Variants in SCLT1 observed in about 807,000 individuals in gnomAD.
SCLT1 encodes sodium channel-associated protein 1.
Under a neutral mutation model 112.8 loss-of-function variants are expected in SCLT1, and 78 were observed. The observed-to-expected ratio is 0.69, with a 90% CI of 0.58 to 0.83. SCLT1 has a LOEUF of 0.83. SCLT1 is among the 40% of genes least tolerant of loss of function. SCLT1 has a pLI of 0.00. For synonymous variants in SCLT1, 257 were observed against 254.7 expected, an observed-to-expected ratio of 1.01 and a Z score of -0.09; for missense variants, 747 against 770.4, an observed-to-expected ratio of 0.97 and a Z score of 0.36.
intron 2 of SCLT1, among the ~76,000 whole-genome samples, chr4:129,077,494 G>C (rs1427409652): frequency 6.6e-6 from 1 of 152,124 alleles, no homozygotes; most frequent in African/African-American, 2.4e-5. Flanking sequence ...TGACACATAA[G>C]AGTTGAAATC....
chr4:128,915,971 A>T (rs1384136902), intron 18 of SCLT1, among the ~76,000 whole-genome samples: 1 of 152,246 alleles, frequency 6.6e-6, no homozygotes, highest in African/African-American at 2.4e-5. Context: ...AGCCTTATTC[A>T]TCTTGTGTTT....
chr4:128,960,984 C>T (rs927072300), intron 11 of SCLT1, among the ~76,000 whole-genome samples: 1 of 108,564 alleles, frequency 9.2e-6, no homozygotes, highest in Non-Finnish European at 1.8e-5. Context: ...CTTAGTCTGT[C>T]CTTTATGCTG....
At chr4:128,962,675 AG>A (rs2126019347) in intron 11 of SCLT1, among the ~76,000 whole-genome samples, 1 of 152,228 alleles carries the variant, frequency 6.6e-6, no homozygotes, top group South Asian at 2.1e-4. Context: ...GACTCCCCTA[AG>A]ACTCATACAC....
rs534106851 is a variant in SCLT1, at chr4:129,025,963, A to C, written c.290+13078T>G. Among the ~76,000 whole-genome samples the C allele has an allele frequency of 4.0e-3, 611 of 152,302 alleles. 3 individuals carry two copies. Among genetic ancestry groups the C allele is most frequent in the African/African-American group, 0.014 (567 of 41,582 alleles). ...CAAAAGAGACAAAGAAGGCCATTAC[A>C]TAATGGTAAAGGGATCAATTCAACA... On this transcript the variant is annotated intron_variant, in intron 5 of 20. Transcript: ENST00000281142.
chr4:129,075,514 C>T (rs1751386902), intron 2 of SCLT1, among the ~76,000 whole-genome samples: 1 of 151,952 alleles, frequency 6.6e-6, no homozygotes, highest in Non-Finnish European at 1.5e-5. Flanking sequence ...ATAGAGAGTC[C>T]AGAATTACAA....
intron 5 of SCLT1, chr4:128,873,490 A>G (rs1732361741): frequency 6.6e-6 from 1 of 152,634 alleles, no homozygotes; most frequent in Non-Finnish European, 1.5e-5. Context: ...AATGGCAATA[A>G]CTATTAAGTT....
At chr4:128,927,401 C>T (rs577632172) in intron 18 of SCLT1, among the ~76,000 whole-genome samples, 3 of 151,866 alleles carry the variant, frequency 2.0e-5, no homozygotes, top group South Asian at 4.2e-4. Flanking sequence ...ATAATGAAAC[C>T]GTGTCTCTAC....
At chr4:128,986,801 A>G (rs1471419246) in intron 9 of SCLT1, among the ~76,000 whole-genome samples, 1 of 152,150 alleles carries the variant, frequency 6.6e-6, no homozygotes, top group Non-Finnish European at 1.5e-5. Context: ...TTGAATAAAC[A>G]TCAGGCAGTG....
chr4:129,030,893 G>A (rs557112759), intron 5 of SCLT1, among the ~76,000 whole-genome samples: 36 of 152,136 alleles, frequency 2.4e-4, no homozygotes, highest in African/African-American at 7.2e-4. Context: ...TGTTGATGTG[G>A]GGTGTAGAGG....
Position 129,086,073 on chromosome 4 carries a change from TC to T in SCLT1, c.35-3701del, listed in dbSNP as rs138264157. On this transcript the variant is annotated intron_variant, in intron 1 of 20. Transcript: ENST00000281142. Reference sequence around the variant, plus strand: ...ATCACAATACAAACCTCTTTTTTTTTCCCTGACAGAGTTTTCAATTAAGAAA... The same window carrying T: ...ATCACAATACAAACCTCTTTTTTTTTCCTGACAGAGTTTTCAATTAAGAAA... 2.2e-4 allele frequency among the ~76,000 whole-genome samples: 33 copies of T among 152,234 alleles called. No homozygotes were observed. In the East Asian group the frequency reaches 5.0e-3, roughly 23 times the overall value.
At chr4:128,901,300 A>G (rs887486790) in intron 18 of SCLT1, among the ~76,000 whole-genome samples, 14 of 152,236 alleles carry the variant, frequency 9.2e-5, no homozygotes, top group Non-Finnish European at 1.6e-4. Context: ...GACTGGATTA[A>G]GAAAATGTGG....
intron 2 of SCLT1, among the ~76,000 whole-genome samples, chr4:129,069,189 G>C (rs899041340): frequency 1.3e-5 from 2 of 152,190 alleles, no homozygotes; most frequent in African/African-American, 4.8e-5. Flanking sequence ...TTAGAGTATA[G>C]TTTGAAATCA....
chr4:128,887,827 A>C (rs1295306312), intron 20 of SCLT1, among the ~76,000 whole-genome samples: 3 of 152,256 alleles, frequency 2.0e-5, no homozygotes, highest in Non-Finnish European at 4.4e-5. Context: ...ATATGAAAAT[A>C]TGCATTAAGT....
chr4:128,931,758 G>A (rs768398603), intron 18 of SCLT1, among the ~76,000 whole-genome samples: 25 of 152,098 alleles, frequency 1.6e-4, no homozygotes, highest in Non-Finnish European at 3.4e-4. Flanking sequence ...CACCGCACCC[G>A]GCCTACAGAA....
chr4:128,934,019 ATTAAG>A (rs1266877181), intron 18 of SCLT1, among the ~76,000 whole-genome samples: 23 of 152,134 alleles, frequency 1.5e-4, no homozygotes, highest in Admixed American at 7.2e-4. Flanking sequence ...TTCCTATATA[ATTAAG>A]TTAATTTGTT....
chr4:128,917,077 T>C (rs1451564852), intron 18 of SCLT1, among the ~76,000 whole-genome samples: 1 of 152,058 alleles, frequency 6.6e-6, no homozygotes, highest in Admixed American at 6.6e-5. Flanking sequence ...CATCAGCCAA[T>C]CTAAAACTTG....
In SCLT1 at chr4:128,965,247, A is replaced by C. The variant is rs1196623118; in HGVS notation, c.849T>G (p.Ser283Arg). 6.3e-7 allele frequency: 1 copy of C among 1,594,186 alleles called. No homozygotes were observed. Among genetic ancestry groups the C allele is most frequent in the Admixed American group, 1.7e-5 (1 of 59,850 alleles). The change falls in exon 11 of 21, where the codon AGT becomes AGG. Residue 283 changes from serine (S) to arginine (R), a missense_variant. Physicochemically the swap from Ser to Arg is moderately radical, Grantham distance 110. Around this residue, in one of 2 missense-constraint regions of SCLT1, gnomAD observed 723 missense variants for 721.3 expected, o/e 1.00. Coordinates refer to ENST00000281142, the MANE Select transcript of SCLT1 (RefSeq NM_144643.4). ...SDRRLQQLQS[S>R]IKQLEIRLCV... is the part of the protein sequence containing the mutation. ...TTTACCTTATTTCTAATTGTTTTAT[A>C]CTAGACTGTAACTGCTGTAAACGCC...
intron 9 of SCLT1, among the ~76,000 whole-genome samples, chr4:128,983,686 C>T (rs777416613): frequency 1.4e-4 from 22 of 152,138 alleles, no homozygotes; most frequent in Non-Finnish European, 2.6e-4. Context: ...GTTTTATCTA[C>T]TATGACAAGG....
chr4:128,980,445 T>G (rs1741545895), intron 9 of SCLT1, among the ~76,000 whole-genome samples: 1 of 152,172 alleles, frequency 6.6e-6, no homozygotes, highest in South Asian at 2.1e-4. Flanking sequence ...AAACTGTGAT[T>G]TATATAATTT....
Sources: allele counts gnomAD v4.1 joint callset (sites outside exome capture counted in the v4.1 genomes callset), GRCh38; gene constraint gnomAD v4.1.1; regional missense constraint gnomAD v4.1.1; transcripts MANE v1.5; gene names NCBI Gene and HGNC (gene_info 2026-07-23, HGNC 2026-07-21).